CDIN1: variants seen among roughly 807,000 people sequenced by gnomAD.
CDIN1 encodes the protein CDAN1 interacting nuclease 1.
A neutral mutation model predicts 45.3 loss-of-function variants in CDIN1; 33 were observed. The ratio of observed to expected loss-of-function variants is 0.73; its 90% CI spans 0.55 to 0.97. The LOEUF is 0.97. CDIN1 is among the 50% of genes least tolerant of loss of function. CDIN1 has a pLI of 0.00. For missense variants in CDIN1, 303 were observed against 339.4 expected (o/e 0.89, Z 0.84); for synonymous variants, 118 against 124.4 (o/e 0.95, Z 0.34).
At chr15:36,613,535 G>A (rs1172047578) in intron 1 of CDIN1, 32 of 1,528,108 alleles carry the variant, frequency 2.1e-5, no homozygotes, top group African/African-American at 4.1e-5. Flanking sequence ...GCAGCAGGCA[G>A]ATGATGCAGA....
At chr15:36,580,113 T>C (rs1240656300) in intron 1 of CDIN1, among the ~76,000 whole-genome samples, 152 bp downstream of exon 1, 2 of 152,246 alleles carry the variant, frequency 1.3e-5, no homozygotes, top group Non-Finnish European at 2.9e-5. Flanking sequence ...AAAAAAGGTT[T>C]ATTCTTTCAC....
chr15:36,658,959 A>T (rs953014233), intron 5 of CDIN1, among the ~76,000 whole-genome samples: 3 of 152,208 alleles, frequency 2.0e-5, no homozygotes, highest in Non-Finnish European at 4.4e-5. Flanking sequence ...ACCTGCAGTG[A>T]TGCTTCATGA....
intron 8 of CDIN1, chr15:36,704,787 T>C (rs1303947465): frequency 6.6e-6 from 1 of 152,194 alleles, no homozygotes; most frequent in Non-Finnish European, 1.5e-5. Context: ...AATGTGACTT[T>C]TCATTTTCAG....
chr15:36,603,861 A>G (rs915338905), intron 1 of CDIN1, among the ~76,000 whole-genome samples: 9 of 152,196 alleles, frequency 5.9e-5, no homozygotes, highest in African/African-American at 2.2e-4. Context: ...ATTATTTTAA[A>G]AACTGCATTT....
intron 10 of CDIN1, among the ~76,000 whole-genome samples, chr15:36,777,480 G>A (rs1317005146): frequency 6.6e-6 from 1 of 151,108 alleles, no homozygotes; most frequent in Non-Finnish European, 1.5e-5. Context: ...TATATTTAAA[G>A]GTTGCCAACA....
intron 1 of CDIN1, among the ~76,000 whole-genome samples, chr15:36,632,566 G>GCC (rs140369276): frequency 0.021 from 3,145 of 152,240 alleles, 102 homozygotes; most frequent in African/African-American, 0.071. Flanking sequence ...TCCTCCCCTT[G>GCC]CCCTACCGTA....
chr15:36,644,715 T>C (rs2040242382), intron 2 of CDIN1, among the ~76,000 whole-genome samples: 1 of 151,838 alleles, frequency 6.6e-6, no homozygotes, highest in Non-Finnish European at 1.5e-5. Context: ...GAAAATGGAG[T>C]CATTTATCAT....
chr15:36,715,632 T>A (rs1449452286), intron 10 of CDIN1, among the ~76,000 whole-genome samples: 1 of 152,208 alleles, frequency 6.6e-6, no homozygotes, highest in Admixed American at 6.5e-5. Flanking sequence ...TGCTGCCGTA[T>A]ACTATCAAGT....
rs2040684890 is a variant in CDIN1, at chr15:36,654,132, C to G, written c.247C>G (p.Pro83Ala). ...TGGAGTGGTGAAAAATGGAGCTGCC[C>G]CAGTGCTCCTGGACCTGGCCAATGA... is the stretch of plus-strand genomic sequence containing the variant. ...LNGVVKNGAA[P>A]VLLDLANEVD... The change falls in exon 4 of 11, where the codon CCA becomes GCA. Residue 83 changes from proline (P) to alanine (A), a missense_variant. Transcript: ENST00000566621. The G allele has an allele frequency of 3.2e-6, 5 of 1,577,302 alleles. No homozygotes were observed. Among genetic ancestry groups the G allele is most frequent in the Admixed American group, 1.8e-5 (1 of 54,852 alleles).
At chr15:36,763,873 G>C (rs552758292) in intron 10 of CDIN1, among the ~76,000 whole-genome samples, 63 of 152,294 alleles carry the variant, frequency 4.1e-4, no homozygotes, top group African/African-American at 1.5e-3. Context: ...ACACTAACTA[G>C]AGGGAGGTGG....
chr15:36,613,730 A>T (rs1595744688), intron 1 of CDIN1: 2 of 1,570,324 alleles, frequency 1.3e-6, no homozygotes, highest in East Asian at 4.5e-5. Context: ...TGCTGATGAG[A>T]GTGAGACAGG....
chr15:36,648,119 G>A (rs1036181761), intron 3 of CDIN1, among the ~76,000 whole-genome samples: 1 of 152,130 alleles, frequency 6.6e-6, no homozygotes, highest in Non-Finnish European at 1.5e-5. Context: ...GATTACAGGC[G>A]TGAGCCACCG....
At chr15:36,665,704 C>A (rs1005284490) in intron 5 of CDIN1, among the ~76,000 whole-genome samples, 4 of 152,082 alleles carry the variant, frequency 2.6e-5, no homozygotes, top group African/African-American at 9.7e-5. Context: ...ACCACTGGAG[C>A]TTTTGTCTTA....
At chr15:36,696,725 A>G (rs749427933) in intron 7 of CDIN1, among the ~76,000 whole-genome samples, 13 of 152,188 alleles carry the variant, frequency 8.5e-5, no homozygotes, top group Non-Finnish European at 1.5e-4. Context: ...GATTTTTAAC[A>G]CAGATTAAAG....
chr15:36,796,236 A>G (rs975878040), intron 10 of CDIN1, among the ~76,000 whole-genome samples: 1 of 152,190 alleles, frequency 6.6e-6, no homozygotes, highest in Non-Finnish European at 1.5e-5. Context: ...AACAATGAAC[A>G]TATACAGATT....
chr15:36,690,035 A>G (rs1373800686), intron 5 of CDIN1, among the ~76,000 whole-genome samples: 1 of 152,196 alleles, frequency 6.6e-6, no homozygotes, highest in Admixed American at 6.6e-5. Context: ...AGGGCTGGAT[A>G]GGATAGCTGG....
intron 10 of CDIN1, among the ~76,000 whole-genome samples, chr15:36,780,690 A>G (rs1026982991): frequency 6.6e-6 from 1 of 152,214 alleles, no homozygotes; most frequent in East Asian, 1.9e-4. Context: ...CAGTGATTTT[A>G]TAATTATTAA....
intron 1 of CDIN1, chr15:36,617,219 A>G (rs558307319): frequency 1.1e-6 from 1 of 870,732 alleles, no homozygotes. Context: ...AGCTCTTGGC[A>G]TGAAACAGCA....
chr15:36,616,576 C>T (rs2038901789), intron 1 of CDIN1, among the ~76,000 whole-genome samples: 1 of 152,022 alleles, frequency 6.6e-6, no homozygotes, highest in South Asian at 2.1e-4. Context: ...TTCTAGTCTG[C>T]ATAGAGTAAT....
Sources: allele counts gnomAD v4.1 joint callset (sites outside exome capture counted in the v4.1 genomes callset), GRCh38; gene constraint gnomAD v4.1.1; transcripts MANE v1.5; gene names NCBI Gene and HGNC (gene_info 2026-07-23, HGNC 2026-07-21).